The following EPB41 variants were observed in gnomAD, a reference collection of about 807,000 sequenced individuals.
EPB41 encodes protein 4.1.
Under a neutral mutation model 108.0 loss-of-function variants are expected in EPB41, and 65 were observed. That is an observed-to-expected ratio of 0.60 (90% CI 0.49 to 0.74). The LOEUF (loss-of-function observed/expected upper bound fraction) is 0.74, where lower values mean the gene tolerates loss of function less well. EPB41 is among the 30% of genes least tolerant of loss of function. The pLI, the probability that EPB41 is intolerant of heterozygous loss-of-function variation, is 0.00. For missense variants in EPB41, 875 were observed against 1,037.0 expected, an observed-to-expected ratio of 0.84 and a Z score of 2.15; for synonymous variants, 336 against 358.9, an observed-to-expected ratio of 0.94 and a Z score of 0.72.
chr1:29,087,139 T>C (rs970637048), intron 16 of EPB41, among the ~76,000 whole-genome samples: 12 of 151,570 alleles, frequency 7.9e-5, no homozygotes, highest in Admixed American at 2.0e-4. Flanking sequence ...GACAGGGTTT[T>C]ACCATGTTAG....
At chr1:29,088,591 G>C (rs949513050) in intron 16 of EPB41, among the ~76,000 whole-genome samples, 1 of 152,166 alleles carries the variant, frequency 6.6e-6, no homozygotes, top group African/African-American at 2.4e-5. Context: ...CAACAACACT[G>C]TCAGAATTCT....
intron 1 of EPB41, among the ~76,000 whole-genome samples, chr1:28,929,956 T>C (rs1227278588): frequency 6.6e-6 from 1 of 151,018 alleles, no homozygotes; most frequent in Non-Finnish European, 1.5e-5. Flanking sequence ...TTTATGGGGT[T>C]GTGCAGCCAT....
chr1:28,930,473 CTG>C (rs200564607), intron 1 of EPB41, among the ~76,000 whole-genome samples: 3 of 149,456 alleles, frequency 2.0e-5, no homozygotes, highest in African/African-American at 4.9e-5. Flanking sequence ...TGGCCCTGAA[CTG>C]TGTGTGTGTG....
chr1:28,941,302 A>G lies in EPB41; in HGVS notation c.-8+26534A>G, dbSNP rs1300617562. On this transcript the variant is annotated intron_variant, in intron 1 of 20. Transcript: ENST00000343067. ...GACTAAGATGGGAAGATCGCCTGAG[A>G]CTGGTAGGTCAAGACTACAATGAGC... is the stretch of plus-strand genomic sequence containing the variant. Among the ~76,000 whole-genome samples the G allele has an allele frequency of 2.0e-5, 3 of 151,976 alleles. No individual in the cohort carries two copies. In the East Asian group the frequency reaches 5.8e-4, roughly 29 times the overall value.
At chr1:28,907,507 A>C (rs1053125862) in intron 1 of EPB41, among the ~76,000 whole-genome samples, 2 of 152,084 alleles carry the variant, frequency 1.3e-5, no homozygotes, top group Admixed American at 1.3e-4. Context: ...CTGTGCAGAC[A>C]TGCCAAGAAA....
chr1:29,109,352 G>A lies in EPB41; in HGVS notation c.2330G>A (p.Gly777Glu), dbSNP rs750141423. 3 of 1,614,100 alleles carry A rather than the reference G, an allele frequency of 1.9e-6. No individual in the cohort carries two copies. The highest frequency in any genetic ancestry group is 2.2e-5 in the East Asian group (1 of 44,878). Residue 777 changes from glycine (G) to glutamate (E), a missense_variant, in exon 18 of 21, where the codon GGA becomes GAA. Physicochemically the swap from Gly to Glu is moderately conservative, Grantham distance 98 (BLOSUM62 -2). Around this residue, in one of 3 missense-constraint regions of EPB41, gnomAD observed 519 missense variants for 627.3 expected, o/e 0.83. Coordinates refer to ENST00000343067, the MANE Select transcript of EPB41 (RefSeq NM_001376013.1). The part of the protein sequence containing the change: ...YEAAQTDDNS[G>E]DLDPGVLLTA... ...CTTCTGCAGACTGACGACAACAGTG[G>A]AGACTTGGACCCAGGAGTCTTGCTG...
At chr1:29,111,242 A>G (rs1430955884) in intron 18 of EPB41, among the ~76,000 whole-genome samples, 2 of 152,164 alleles carry the variant, frequency 1.3e-5, no homozygotes, top group African/African-American at 2.4e-5. Context: ...ACAGAAATGT[A>G]TGAGAGAAGA....
Position 29,058,662 on chromosome 1 carries a change from C to T in EPB41, c.1902+17C>T, listed in dbSNP as rs1221443966. 6.2e-7 allele frequency: 1 copy of T among 1,611,290 alleles called. No homozygotes were observed. The highest frequency in any genetic ancestry group is 8.5e-7 in the Non-Finnish European group (1 of 1,178,358). On this transcript the variant is annotated intron_variant, in intron 13 of 20. Coordinates refer to ENST00000343067, the MANE Select transcript of EPB41 (RefSeq NM_001376013.1). ...CAAACACAGGTTTGTGCCAATAGGCCACTTGTTCCTCTTTCCCTCCACCCC... is the reference window on the plus strand; with the variant it reads ...CAAACACAGGTTTGTGCCAATAGGCTACTTGTTCCTCTTTCCCTCCACCCC...
chr1:29,058,676 T>C, intron 13 of EPB41, 31 bp downstream of exon 13: 1 of 1,606,332 alleles, frequency 6.2e-7, no homozygotes. Flanking sequence ...TGTTCCTCTT[T>C]CCCTCCACCC....
intron 16 of EPB41, among the ~76,000 whole-genome samples, chr1:29,066,552 TATA>T (rs1647968642): frequency 6.6e-6 from 1 of 152,246 alleles, no homozygotes; most frequent in African/African-American, 2.4e-5. Flanking sequence ...GTGAAATATT[TATA>T]TAGTCACAAT....
chr1:29,093,769 G>T (rs1410824534), intron 16 of EPB41, among the ~76,000 whole-genome samples: 1 of 152,168 alleles, frequency 6.6e-6, no homozygotes, highest in Non-Finnish European at 1.5e-5. Context: ...GCCGTGCGTG[G>T]TGGCACACAC....
At chr1:28,905,818 C>CTTTT (rs573552880) in intron 1 of EPB41, among the ~76,000 whole-genome samples, 29 of 133,858 alleles carry the variant, frequency 2.2e-4, no homozygotes, top group Non-Finnish European at 2.9e-4. Flanking sequence ...TTCTTTCTTT[C>CTTTT]TTTTTTTTTT....
chr1:28,947,434 C>T (rs1271496928), intron 1 of EPB41, among the ~76,000 whole-genome samples: 1 of 151,806 alleles, frequency 6.6e-6, no homozygotes, highest in Non-Finnish European at 1.5e-5. Context: ...AACAAACAAA[C>T]AAACAAACAA....
intron 1 of EPB41, among the ~76,000 whole-genome samples, chr1:28,955,570 C>T (rs552091207): frequency 6.6e-6 from 1 of 152,122 alleles, no homozygotes; most frequent in Non-Finnish European, 1.5e-5. Context: ...GTCTTGATCT[C>T]TTGACCTCAT....
intron 16 of EPB41, among the ~76,000 whole-genome samples, chr1:29,074,496 A>G (rs1653010063): frequency 1.3e-5 from 2 of 152,162 alleles, no homozygotes; most frequent in African/African-American, 4.8e-5. Flanking sequence ...CTCATTTCTG[A>G]AGCTGTTACT....
rs34631098 is a variant in EPB41 at position 29,075,789 on chromosome 1, A to G, written c.2184+10631A>G. 9.5e-3 allele frequency among the ~76,000 whole-genome samples: 1,444 copies of G among 152,320 alleles called. 15 individuals are homozygous for G. Among genetic ancestry groups the G allele is most frequent in the Non-Finnish European group, 0.015 (1,035 of 68,032 alleles). Reference sequence around the variant, plus strand: ...TTATTTATTTAATTTGTCACCCACCAGCAAAGTACTCTATTATATATTACA... The same window carrying G: ...TTATTTATTTAATTTGTCACCCACCGGCAAAGTACTCTATTATATATTACA... On this transcript the variant is annotated intron_variant, in intron 16 of 20. Coordinates refer to ENST00000343067, the MANE Select transcript of EPB41 (RefSeq NM_001376013.1).
Position 29,109,446 on chromosome 1 carries a change from C to G in EPB41, c.2415+9C>G, listed in dbSNP as rs367685836. On this transcript the variant is annotated intron_variant, in intron 18 of 20. Transcript: ENST00000343067. ...CAACTCAAATTACCAAGGTAACAGA[C>G]CAGCTAGAACCTCTTTATGGAACCC... 1.4e-5 allele frequency: 23 copies of G among 1,610,434 alleles called. No individual in the cohort carries two copies. The highest frequency in any genetic ancestry group is 1.8e-5 in the Non-Finnish European group (21 of 1,176,770).
At chr1:28,896,136 G>A (rs2090635780) in intron 1 of EPB41, among the ~76,000 whole-genome samples, 1 of 152,172 alleles carries the variant, frequency 6.6e-6, no homozygotes, top group Admixed American at 6.6e-5. Flanking sequence ...CCTGTAAAAT[G>A]GGGAAAATAA....
chr1:28,961,361 G>A (rs1398558960), intron 1 of EPB41, among the ~76,000 whole-genome samples: 1 of 152,126 alleles, frequency 6.6e-6, no homozygotes, highest in East Asian at 1.9e-4. Context: ...GAGTGTCCTG[G>A]TTTATTACGT....
Sources: allele counts gnomAD v4.1 joint callset (sites outside exome capture counted in the v4.1 genomes callset), GRCh38; gene constraint gnomAD v4.1.1; regional missense constraint gnomAD v4.1.1; transcripts MANE v1.5; gene names NCBI Gene and HGNC (gene_info 2026-07-23, HGNC 2026-07-21).